Variants in FMNL2 observed in about 807,000 individuals in gnomAD.
The protein encoded by FMNL2 is formin like 2, also known as formin-like protein 2.
A neutral mutation model predicts 130.2 loss-of-function variants in FMNL2; 51 were observed. The ratio of observed to expected loss-of-function variants is 0.39; its 90% CI spans 0.31 to 0.49. The LOEUF is 0.49. FMNL2 is among the 20% of genes least tolerant of loss of function. FMNL2 has a pLI of 0.85. For missense variants in FMNL2, 977 were observed against 1,316.2 expected, an observed-to-expected ratio of 0.74 and a Z score of 3.99; for synonymous variants, 465 against 467.1, an observed-to-expected ratio of 1.00 and a Z score of 0.06.
chr2:152,411,153 A>C (rs1012221706), intron 1 of FMNL2, among the ~76,000 whole-genome samples: 1 of 152,244 alleles, frequency 6.6e-6, no homozygotes, highest in Non-Finnish European at 1.5e-5. Context: ...CCTAAGGGAT[A>C]GTCAGCTAAA....
At chr2:152,606,663 A>G (rs1426640168) in intron 9 of FMNL2, among the ~76,000 whole-genome samples, 2 of 39,640 alleles carry the variant, frequency 5.0e-5, no homozygotes, top group Non-Finnish European at 1.1e-4. Flanking sequence ...AGCTCCATGT[A>G]TTTTATTTCA....
chr2:152,448,216 AAC>A (rs2106158923), intron 1 of FMNL2, among the ~76,000 whole-genome samples: 1 of 151,686 alleles, frequency 6.6e-6, no homozygotes, highest in South Asian at 2.1e-4. Flanking sequence ...AAAAAAAAAA[AAC>A]ACATAATAAC....
chr2:152,510,780 C>A (rs1383403016), intron 1 of FMNL2, among the ~76,000 whole-genome samples: 1 of 152,166 alleles, frequency 6.6e-6, no homozygotes, highest in Non-Finnish European at 1.5e-5. Flanking sequence ...ACCAGAAGGC[C>A]TGCCACGCAA....
At chr2:152,403,839 G>A (rs1290690804) in intron 1 of FMNL2, among the ~76,000 whole-genome samples, 1 of 152,224 alleles carries the variant, frequency 6.6e-6, no homozygotes, top group African/African-American at 2.4e-5. Context: ...GGATGCCAAG[G>A]TGGGTAGATC....
chr2:152,582,837 A>G (rs1249233071), intron 9 of FMNL2, among the ~76,000 whole-genome samples: 1 of 152,216 alleles, frequency 6.6e-6, no homozygotes, highest in Non-Finnish European at 1.5e-5. Context: ...CATTTACTAT[A>G]TAGTTATCAG....
chr2:152,499,980 A>G (rs1691721980), intron 1 of FMNL2, among the ~76,000 whole-genome samples: 1 of 152,086 alleles, frequency 6.6e-6, no homozygotes, highest in Non-Finnish European at 1.5e-5. Flanking sequence ...TCTAGCCTGG[A>G]GGAAGTCTGT....
intron 13 of FMNL2, among the ~76,000 whole-genome samples, chr2:152,617,981 T>C (rs906549299): frequency 2.6e-5 from 4 of 152,202 alleles, no homozygotes; most frequent in African/African-American, 9.6e-5. Flanking sequence ...TTGTAGCATA[T>C]GGACTCAATT....
intron 1 of FMNL2, among the ~76,000 whole-genome samples, chr2:152,411,007 G>A (rs1181744259): frequency 6.6e-6 from 1 of 152,158 alleles, no homozygotes; most frequent in East Asian, 1.9e-4. Context: ...AGAAGAGCAA[G>A]CCACCTGGTC....
intron 1 of FMNL2, among the ~76,000 whole-genome samples, chr2:152,366,039 TC>T (rs1683512274): frequency 6.6e-6 from 1 of 152,066 alleles, no homozygotes; most frequent in Non-Finnish European, 1.5e-5. Flanking sequence ...AAGTCATGGA[TC>T]CCAGGTTTAG....
intron 1 of FMNL2, among the ~76,000 whole-genome samples, chr2:152,446,891 G>A (rs1326755580): frequency 6.6e-6 from 1 of 152,084 alleles, no homozygotes; most frequent in Non-Finnish European, 1.5e-5. Context: ...ATTTGATTTG[G>A]ACAAAGGCAA....
At chr2:152,528,250 A>C (rs1295776079) in intron 2 of FMNL2, among the ~76,000 whole-genome samples, 3 of 152,226 alleles carry the variant, frequency 2.0e-5, no homozygotes, top group Non-Finnish European at 2.9e-5. Flanking sequence ...TTTTCTGTGC[A>C]CCAAATGATA....
At chr2:152,604,794 C>T (rs1482907752) in intron 9 of FMNL2, among the ~76,000 whole-genome samples, 2 of 152,036 alleles carry the variant, frequency 1.3e-5, no homozygotes, top group African/African-American at 2.4e-5. Context: ...CGGGGTTTTA[C>T]CATGTTGGCC....
At chr2:152,499,753 A>G (rs1222480150) in intron 1 of FMNL2, among the ~76,000 whole-genome samples, 2 of 152,226 alleles carry the variant, frequency 1.3e-5, no homozygotes, top group Non-Finnish European at 2.9e-5. Flanking sequence ...ACAAAATTCT[A>G]TTCTGTGGCA....
At chr2:152,388,761 A>G (rs189003125) in intron 1 of FMNL2, among the ~76,000 whole-genome samples, 1 of 152,310 alleles carries the variant, frequency 6.6e-6, no homozygotes, top group Admixed American at 6.5e-5. Flanking sequence ...ACAAGTTTTC[A>G]AAAAGAAGTT....
chr2:152,516,033 T>C (rs900672778), intron 1 of FMNL2, among the ~76,000 whole-genome samples: 2 of 152,142 alleles, frequency 1.3e-5, no homozygotes, highest in Non-Finnish European at 2.9e-5. Context: ...AACTAATAAA[T>C]GAGTAAATCC....
In FMNL2 at chr2:152,335,711, C is replaced by T. The variant is rs1032912691; in HGVS notation, c.108C>T (p.Ala36=). The stretch of plus-strand genomic sequence containing the variant: ...CAGGTGAACTGGAGGAGCGATTTGC[C>T]ATCGTGCTGGTAAGTGCGCGGCGGC... ...PEPGELEERF[A]IVLNAMNLPP... is the part of the protein sequence containing the mutation. Residue 36 remains alanine (A), a synonymous_variant, in exon 1 of 26, where the codon GCC becomes GCT. Transcript: ENST00000288670. 8 of 1,580,910 alleles carry T rather than the reference C, an allele frequency of 5.1e-6. No homozygotes were observed. Among genetic ancestry groups the T allele is most frequent in the Non-Finnish European group, 4.3e-6 (5 of 1,164,216 alleles).
At chr2:152,457,070 T>G (rs1157594223) in intron 1 of FMNL2, among the ~76,000 whole-genome samples, 1 of 151,952 alleles carries the variant, frequency 6.6e-6, no homozygotes. Context: ...GCCCGAAGAA[T>G]GGAGTTGACT....
At chr2:152,374,453 T>G (rs1684054157) in intron 1 of FMNL2, among the ~76,000 whole-genome samples, 1 of 152,046 alleles carries the variant, frequency 6.6e-6, no homozygotes, top group African/African-American at 2.4e-5. Context: ...GACAAGTGAC[T>G]GCTAATCTTG....
intron 1 of FMNL2, among the ~76,000 whole-genome samples, chr2:152,398,689 G>A (rs1215454069): frequency 6.6e-6 from 1 of 152,168 alleles, no homozygotes; most frequent in African/African-American, 2.4e-5. Flanking sequence ...ACACAGTTAT[G>A]AGATATGCAC....
Sources: gnomAD v4.1 joint callset for allele counts (sites outside exome capture counted in the v4.1 genomes callset) on GRCh38, gnomAD v4.1.1 for gene constraint, MANE v1.5 for transcripts, NCBI Gene and HGNC (gene_info 2026-07-23, HGNC 2026-07-21) for gene names.